FAM200B: variants seen among roughly 807,000 people sequenced by gnomAD.
FAM200B encodes the protein protein FAM200B.
In FAM200B, 32 loss-of-function variants were observed where a neutral mutation model predicts 33.1. The ratio of observed to expected loss-of-function variants is 0.97; its 90% CI spans 0.73 to 1.30. The LOEUF is 1.30. Among genes scored for constraint, FAM200B ranks in the 50% most tolerant of loss-of-function variants. The probability of loss-of-function intolerance (pLI) is 0.00; values close to 1 mark genes in which losing one functional copy is unlikely to be tolerated. For missense variants in FAM200B, 741 were observed against 754.0 expected (o/e 0.98, Z 0.20); for synonymous variants, 240 against 264.8 (o/e 0.91, Z 0.91).
At chr4:15,655,106 G>T in the FAM200B span, 2 of 976,072 alleles carry the variant, frequency 2.0e-6, no homozygotes, top group Non-Finnish European at 2.6e-6. Flanking sequence ...GACGGCACGG[G>T]GCTGCGGGCG....
upstream of FAM200B, among the ~76,000 whole-genome samples, chr4:15,677,443 C>T (rs185918653): frequency 1.2e-3 from 188 of 152,212 alleles, no homozygotes; most frequent in African/African-American, 4.3e-3. Flanking sequence ...CCCTAGGTAC[C>T]TTCAGGATGG....
At position 15,688,010 on chromosome 4, in the gene FAM200B, G is replaced by T. The variant is rs1374905567; in HGVS notation, c.1033G>T (p.Val345Leu). Residue 345 changes from valine (V) to leucine (L), a missense_variant, in exon 2 of 2, where the codon GTA (valine) becomes TTA (leucine). Physicochemically the swap from Val to Leu is conservative, Grantham distance 32 (BLOSUM62 1). Coordinates refer to ENST00000422728, the MANE Select transcript of FAM200B (RefSeq NM_001145191.2). ...SREIPQNLME[V>L]LKNAVKVVNF... ...AGAAATTCCACAGAATCTCATGGAG[G>T]TATTGAAAAATGCAGTGAAAGTTGT... is the stretch of plus-strand genomic sequence containing the variant. 1 of 1,550,826 alleles carries T rather than the reference G, an allele frequency of 6.4e-7. No individual in the cohort carries two copies. The highest frequency in any genetic ancestry group is 8.7e-7 in the Non-Finnish European group (1 of 1,146,346).
the FAM200B span, among the ~76,000 whole-genome samples, chr4:15,659,133 G>T: frequency 6.6e-6 from 1 of 151,930 alleles, no homozygotes. Flanking sequence ...TAAATGGAAG[G>T]GTACCCAGTA....
upstream of FAM200B, among the ~76,000 whole-genome samples, chr4:15,677,416 T>G (rs951244029): frequency 6.6e-6 from 1 of 152,172 alleles, no homozygotes; most frequent in East Asian, 1.9e-4. Flanking sequence ...TCATAGGGGT[T>G]GGGAGATAGA....
chr4:15,640,306 A>G, the FAM200B span, among the ~76,000 whole-genome samples: 1 of 151,032 alleles, frequency 6.6e-6, no homozygotes, highest in Non-Finnish European at 1.5e-5. Context: ...TCAGCTTCCC[A>G]AGTGCTGGGA....
At chr4:15,654,451 A>G in the FAM200B span, among the ~76,000 whole-genome samples, 1 of 152,338 alleles carries the variant, frequency 6.6e-6, no homozygotes, top group East Asian at 1.9e-4. Context: ...TCTCACAGTT[A>G]AACCAACTTT....
the FAM200B span, among the ~76,000 whole-genome samples, chr4:15,646,935 G>C: frequency 6.6e-6 from 1 of 151,822 alleles, no homozygotes; most frequent in Non-Finnish European, 1.5e-5. Flanking sequence ...ACTGTGGATT[G>C]AAAAAGGCTG....
At position 15,686,236 on chromosome 4, in the gene FAM200B, G is replaced by A. The variant is rs962110123; in HGVS notation, c.-742G>A. On this transcript the variant is annotated splice_region_variant and 5_prime_UTR_variant, in exon 2 of 2. Coordinates refer to ENST00000422728, the MANE Select transcript of FAM200B (RefSeq NM_001145191.2). ...GTCTTATCTCTGGTCTTATTCCCAG[G>A]TCAAGGATGCATTCCAGGAAAGTTC... The A allele has an allele frequency of 2.6e-4, 40 of 152,212 alleles. No homozygotes were observed. Among genetic ancestry groups the A allele is most frequent in the African/African-American group, 8.4e-4 (35 of 41,526 alleles). 9.4% of individuals were successfully genotyped at this position (152,212 alleles called of 1,614,324 possible).
the FAM200B span, among the ~76,000 whole-genome samples, chr4:15,637,261 A>AGAT: frequency 6.6e-6 from 1 of 152,372 alleles, no homozygotes; most frequent in East Asian, 1.9e-4. Flanking sequence ...GACAAAATGT[A>AGAT]GATATTTCTG....
chr4:15,661,985 G>A, the FAM200B span, among the ~76,000 whole-genome samples: 1 of 152,336 alleles, frequency 6.6e-6, no homozygotes, highest in African/African-American at 2.4e-5. Flanking sequence ...TTATAATATG[G>A]TAGCTTGCTT....
At chr4:15,678,170 C>T (rs1012848750), upstream of FAM200B, among the ~76,000 whole-genome samples, 1 of 152,238 alleles carries the variant, frequency 6.6e-6, no homozygotes, top group Non-Finnish European at 1.5e-5. Flanking sequence ...ATACTTTTAA[C>T]TTATGGGACA....
chr4:15,679,063 A>ATTTT (rs60866290), upstream of FAM200B, among the ~76,000 whole-genome samples: 8 of 118,756 alleles, frequency 6.7e-5, no homozygotes, highest in African/African-American at 2.5e-4. Context: ...TAAAATCTCT[A>ATTTT]TTTTTTTTTT....
At chr4:15,672,311 G>C in the FAM200B span, among the ~76,000 whole-genome samples, 1 of 152,176 alleles carries the variant, frequency 6.6e-6, no homozygotes, top group Non-Finnish European at 1.5e-5. Flanking sequence ...CTCTGAGCAC[G>C]ACACAATTAC....
chr4:15,646,593 C>A, the FAM200B span, among the ~76,000 whole-genome samples: 1 of 151,858 alleles, frequency 6.6e-6, no homozygotes, highest in Non-Finnish European at 1.5e-5. Context: ...ATGTGCACAA[C>A]GTGCAGGTTT....
the FAM200B span, among the ~76,000 whole-genome samples, chr4:15,653,785 T>C: frequency 2.6e-5 from 4 of 152,232 alleles, no homozygotes; most frequent in Admixed American, 2.6e-4. Context: ...CCATTCCTCA[T>C]GCTTCTCCTA....
chr4:15,641,650 T>C, the FAM200B span: 3 of 455,106 alleles, frequency 6.6e-6, no homozygotes, highest in African/African-American at 6.0e-5. Context: ...TTTTGAGAGA[T>C]TCAAAAGTTA....
chr4:15,650,714 C>G, the FAM200B span, among the ~76,000 whole-genome samples: 6 of 122,434 alleles, frequency 4.9e-5, no homozygotes, highest in Non-Finnish European at 9.4e-5. Context: ...GTCGCCCAGG[C>G]TGGAGTGCAA....
At position 15,687,823 on chromosome 4, in the gene FAM200B, C is replaced by G; in HGVS notation, c.846C>G (p.Gly282=). Residue 282 remains glycine, a synonymous_variant, in exon 2 of 2, where the codon GGC becomes GGG. Coordinates refer to ENST00000422728, the MANE Select transcript of FAM200B (RefSeq NM_001145191.2). ...CAGAATTAGAAAGGCGCATAGTTGG[C>G]CAATATAAATTAAACTGGAAAAACT... is the stretch of plus-strand genomic sequence containing the variant. ...IFTELERRIV[G]QYKLNWKNCK... 1 of 1,550,978 alleles carries G rather than the reference C, an allele frequency of 6.4e-7. No homozygotes were observed. The highest frequency in any genetic ancestry group is 1.4e-5 in the African/African-American group (1 of 73,056).
chr4:15,680,647 G>A (rs954580622), upstream of FAM200B, among the ~76,000 whole-genome samples: 3 of 152,054 alleles, frequency 2.0e-5, no homozygotes, highest in African/African-American at 7.2e-5. Context: ...CTGCACTCCA[G>A]CCTGGGCGAG....
Sources: allele counts gnomAD v4.1 joint callset (sites outside exome capture counted in the v4.1 genomes callset), GRCh38; gene constraint gnomAD v4.1.1; transcripts MANE v1.5; gene names NCBI Gene and HGNC (gene_info 2026-07-23, HGNC 2026-07-21).